The following HTR3C variants were observed in gnomAD, a reference collection of about 807,000 sequenced individuals.
HTR3C encodes 5-hydroxytryptamine receptor 3C, also known as 5-HT3-C.
In HTR3C, 32 loss-of-function variants were observed where a neutral mutation model predicts 40.5. That is an observed-to-expected ratio of 0.79 (90% CI 0.60 to 1.06). HTR3C has a LOEUF of 1.06. HTR3C is among the 50% of genes least tolerant of loss of function. HTR3C has a pLI of 0.00. For synonymous variants in HTR3C, 209 were observed against 217.1 expected, an observed-to-expected ratio of 0.96 and a Z score of 0.33; for missense variants, 523 against 556.8, an observed-to-expected ratio of 0.94 and a Z score of 0.61.
chr3:184,060,346 C>T lies in HTR3C; in HGVS notation c.1338C>T (p.Asn446=). The T allele has an allele frequency of 6.2e-7, 1 of 1,614,204 alleles. No individual in the cohort carries two copies. The highest frequency in any genetic ancestry group is 1.1e-5 in the South Asian group (1 of 91,086). ...TCCTTACTGTCATTGTCCTCTGGAACACCTAGGCAGACATCCCCCCTCTCT... is the reference window on the plus strand; with the variant it reads ...TCCTTACTGTCATTGTCCTCTGGAATACCTAGGCAGACATCCCCCCTCTCT... The part of the protein sequence containing the change: ...SSILTVIVLW[N]T Residue 446 remains asparagine, a synonymous_variant, in exon 9 of 9, where the codon AAC becomes AAT. Transcript: ENST00000318351.
chr3:184,054,033 G>A lies in HTR3C; in HGVS notation c.68-688G>A, dbSNP rs567936890. Among the ~76,000 whole-genome samples the A allele has an allele frequency of 1.4e-4, 21 of 151,716 alleles. No individual in the cohort carries two copies. In the South Asian group the frequency reaches 2.9e-3, roughly 21 times the overall value. On this transcript the variant is annotated intron_variant, in intron 1 of 8. Coordinates refer to ENST00000318351, the MANE Select transcript of HTR3C (RefSeq NM_130770.3). ...CTCCCAAAGTGCTGGGATTACAGGC[G>A]TGAGTCACCGCGCCCGGCACACCGG...
At chr3:184,059,376 A>G (rs1480436293) in intron 6 of HTR3C, 60 bp from the exon 7 acceptor site, 2 of 1,452,852 alleles carry the variant, frequency 1.4e-6, no homozygotes, top group Non-Finnish European at 1.9e-6. Context: ...TAGGGGTCAG[A>G]TATACAAATT....
At position 184,054,800 on chromosome 3, in the gene HTR3C, T is replaced by G; in HGVS notation, c.147T>G (p.Phe49Leu). Residue 49 changes from phenylalanine (F) to leucine (L), a missense_variant, in exon 2 of 9, where the codon TTT becomes TTG. By Grantham distance (22) the Phe-to-Leu change is conservative. Transcript: ENST00000318351. ...ACCCTGCTGTCTTCCAAGCAGTGTT[T>G]GACAGAAAGGCCTTCCGTCCATTCA... ...GVDPAVFQAVFDRKAFRPFTN... is the reference protein window; with the variant it reads ...GVDPAVFQAVLDRKAFRPFTN... 1.2e-6 allele frequency: 2 copies of G among 1,614,012 alleles called. No homozygotes were observed. The highest frequency in any genetic ancestry group is 1.7e-6 in the Non-Finnish European group (2 of 1,179,912).
rs1723418559 is a variant in HTR3C at position 184,060,212 on chromosome 3, G to T, written c.1204G>T (p.Gly402Trp). 1.9e-6 allele frequency: 3 copies of T among 1,614,136 alleles called. No homozygotes were observed. Among genetic ancestry groups the T allele is most frequent in the Admixed American group, 3.3e-5 (2 of 60,016 alleles). Residue 402 changes from glycine to tryptophan, a missense_variant, in exon 9 of 9, where the codon GGG becomes TGG. Transcript: ENST00000318351. ...GGGACCCAGAGAGACCGAGCCAGAT[G>T]GGGGCTCAGGATGGACAAAGACCCA... Reference protein sequence around the residue: ...KLGPRETEPDGGSGWTKTQLM... With the variant: ...KLGPRETEPDWGSGWTKTQLM...
intron 6 of HTR3C, 143 bp downstream of exon 6, chr3:184,058,730 C>T (rs1022355045): frequency 9.5e-5 from 79 of 831,800 alleles, no homozygotes; most frequent in African/African-American, 1.3e-4. Flanking sequence ...TTTGGGAGGC[C>T]GAGGGAGGCG....
rs1483539735 is a variant in HTR3C, at chr3:184,060,317, T to G, written c.1309T>G (p.Ser437Ala). The G allele has an allele frequency of 6.2e-7, 1 of 1,614,042 alleles. No homozygotes were observed. Among genetic ancestry groups the G allele is most frequent in the African/African-American group, 1.3e-5 (1 of 74,924 alleles). ...CCTCTACCTGCTCTTCATGGCCTCC[T>G]CCATCCTTACTGTCATTGTCCTCTG... ...FRLYLLFMAS[S>A]ILTVIVLWNT is the part of the protein sequence containing the mutation. The change falls in exon 9 of 9, where the codon TCC becomes GCC. Residue 437 changes from serine (S) to alanine (A), a missense_variant. Physicochemically the swap from Ser to Ala is moderately conservative, Grantham distance 99 (BLOSUM62 1). Transcript: ENST00000318351.
chr3:184,058,505 G>A lies in HTR3C; in HGVS notation c.638G>A (p.Gly213Glu), dbSNP rs141394478. The change falls in exon 6 of 9, where the codon GGG becomes GAG. Residue 213 changes from glycine to glutamate, a missense_variant. Physicochemically the swap from Gly to Glu is moderately conservative, Grantham distance 98. Transcript: ENST00000318351. ...TCTCGCAAAGTCATCCAAACCCAGG[G>A]GGAGTGGGAGCTCTTGGGCATCAAC... ...DTSRKVIQTQGEWELLGINKA... is the reference protein window; with the variant it reads ...DTSRKVIQTQEEWELLGINKA... 1.1e-5 allele frequency: 18 copies of A among 1,613,562 alleles called. No homozygotes were observed. Among genetic ancestry groups the A allele is most frequent in the African/African-American group, 4.0e-5 (3 of 74,870 alleles).
chr3:184,056,073 T>G, intron 3 of HTR3C, 104 bp from the exon 4 acceptor site: 1 of 717,070 alleles, frequency 1.4e-6, no homozygotes, highest in South Asian at 1.6e-5. Flanking sequence ...GGGTCACAAA[T>G]GGGAGTGGGA....
At chr3:184,059,197 A>G (rs1170780757) in intron 6 of HTR3C, among the ~76,000 whole-genome samples, 1 of 152,160 alleles carries the variant, frequency 6.6e-6, no homozygotes, top group East Asian at 1.9e-4. Flanking sequence ...AATGACTTAA[A>G]GGGCCCACTT....
At chr3:184,053,320 C>T (rs1723260722) in intron 1 of HTR3C, among the ~76,000 whole-genome samples, 173 bp downstream of exon 1, 1 of 152,170 alleles carries the variant, frequency 6.6e-6, no homozygotes, top group Non-Finnish European at 1.5e-5. Flanking sequence ...GATGAGTGCA[C>T]ACAGACTTTC....
chr3:184,053,519 C>A (rs1723264387), intron 1 of HTR3C, among the ~76,000 whole-genome samples: 2 of 152,084 alleles, frequency 1.3e-5, no homozygotes, highest in South Asian at 4.1e-4. Flanking sequence ...AGGGAGGGGA[C>A]AATCTGAGGT....
rs373278749 is a variant in HTR3C at position 184,056,228 on chromosome 3, A to G, written c.331A>G (p.Asn111Asp). Residue 111 changes from asparagine (N) to aspartate (D), a missense_variant, in exon 4 of 9, where the codon AAT becomes GAT. Physicochemically the swap from Asn to Asp is conservative, Grantham distance 23. Coordinates refer to ENST00000318351, the MANE Select transcript of HTR3C (RefSeq NM_130770.3). ...NWNPKECVGI[N>D]KLTVLAENLW... is the part of the protein sequence containing the mutation. ...GAACCCAAAAGAGTGTGTTGGCATCAATAAACTCACAGTATTAGCTGAAAA... is the reference window on the plus strand; with the variant it reads ...GAACCCAAAAGAGTGTGTTGGCATCGATAAACTCACAGTATTAGCTGAAAA... 129 of 1,613,954 alleles carry G rather than the reference A, an allele frequency of 8.0e-5. No homozygotes were observed. The highest frequency in any genetic ancestry group is 1.1e-4 in the Non-Finnish European group (127 of 1,179,922).
At chr3:184,055,177 C>T (rs557677585) in intron 2 of HTR3C, 135 bp from the exon 3 acceptor site, 13 of 699,320 alleles carry the variant, frequency 1.9e-5, no homozygotes, top group Middle Eastern at 2.6e-4. Flanking sequence ...ACAGGGGAAA[C>T]GAGTGAGGAA....
At position 184,060,499 on chromosome 3, in the gene HTR3C, C is replaced by A; in HGVS notation, c.*147C>A. 2.0e-6 allele frequency: 2 copies of A among 1,018,724 alleles called. No individual in the cohort carries two copies. The highest frequency in any genetic ancestry group is 1.5e-5 in the South Asian group (1 of 67,242). The allele number at this position is 1,018,724 out of a possible 1,614,324, so 63.1% of individuals were successfully genotyped here. ...TCCAAAGACTCCAACGCAGCACTAG[C>A]AAGCAGGTTCGGGACAGCCCTGGAC... is the stretch of plus-strand genomic sequence containing the variant. On this transcript the variant is annotated 3_prime_UTR_variant, in exon 9 of 9. Transcript: ENST00000318351.
At position 184,059,965 on chromosome 3, in the gene HTR3C, A is replaced by T. The variant is rs1267918858; in HGVS notation, c.1063A>T (p.Thr355Ser). Reference sequence around the variant, plus strand: ...GCTTCACTCCCTGCTGCTCCACTGCACCAGCCCAGGGAGATGCTGTCCCAC... The same window carrying T: ...GCTTCACTCCCTGCTGCTCCACTGCTCCAGCCCAGGGAGATGCTGTCCCAC... The part of the protein sequence containing the change: ...RWLHSLLLHC[T>S]SPGRCCPTAP... Residue 355 changes from threonine to serine, a missense_variant, in exon 8 of 9, where the codon ACC becomes TCC. Thr to Ser is a moderately conservative substitution (Grantham distance 58). Coordinates refer to ENST00000318351, the MANE Select transcript of HTR3C (RefSeq NM_130770.3). 1.2e-6 allele frequency: 2 copies of T among 1,613,714 alleles called. No homozygotes were observed. The highest frequency in any genetic ancestry group is 1.7e-6 in the Non-Finnish European group (2 of 1,179,986).
Position 184,060,051 on chromosome 3 carries a change from A to G in HTR3C, c.1141+8A>G. The G allele has an allele frequency of 6.2e-7, 1 of 1,612,018 alleles. No individual in the cohort carries two copies. The highest frequency in any genetic ancestry group is 8.5e-7 in the Non-Finnish European group (1 of 1,179,168). ...CCCTCACCCACCTGCCTGGTGAGGG[A>G]AGCCAGCACTGTCCATACTCGCCCT... On this transcript the variant is annotated splice_region_variant and intron_variant, in intron 8 of 8. Coordinates refer to ENST00000318351, the MANE Select transcript of HTR3C (RefSeq NM_130770.3).
intron 6 of HTR3C, among the ~76,000 whole-genome samples, chr3:184,058,803 A>T (rs1723383922): frequency 1.3e-5 from 2 of 151,990 alleles, no homozygotes; most frequent in Non-Finnish European, 2.9e-5. Flanking sequence ...TCTCTAATTT[A>T]AAAAACACAA....
At position 184,059,881 on chromosome 3, in the gene HTR3C, G is replaced by A. The variant is rs142615813; in HGVS notation, c.979G>A (p.Val327Ile). The A allele has an allele frequency of 1.2e-4, 200 of 1,613,964 alleles. No individual in the cohort carries two copies. The African/African-American group carries it at 1.8e-3, about 15-fold the overall frequency. The part of the protein sequence containing the change: ...SLMVVSLLET[V>I]FITYLLHVAT... ...GATGGTGGTCAGCCTGCTGGAGACC[G>A]TCTTCATTACCTACCTGCTGCACGT... The change falls in exon 8 of 9, where the codon GTC becomes ATC. Residue 327 changes from valine (V) to isoleucine (I), a missense_variant. By Grantham distance (29) the Val-to-Ile change is conservative. Transcript: ENST00000318351.
intron 1 of HTR3C, 95 bp from the exon 2 acceptor site, chr3:184,054,626 G>C (rs1723284453): frequency 1.8e-6 from 2 of 1,098,666 alleles, no homozygotes; most frequent in South Asian, 3.9e-5. Flanking sequence ...GGGCTCACCT[G>C]CTCCTCTCAG....
Sources: gnomAD v4.1 joint callset for allele counts (sites outside exome capture counted in the v4.1 genomes callset) on GRCh38, gnomAD v4.1.1 for gene constraint, MANE v1.5 for transcripts, NCBI Gene and HGNC (gene_info 2026-07-23, HGNC 2026-07-21) for gene names.